The following PCDHA8 variants were observed in gnomAD, a reference collection of about 807,000 sequenced individuals.
The protein encoded by PCDHA8 is protocadherin alpha-8.
A neutral mutation model predicts 61.8 loss-of-function variants in PCDHA8; 53 were observed. That is an observed-to-expected ratio of 0.86 (90% CI 0.69 to 1.08). The LOEUF (loss-of-function observed/expected upper bound fraction) is 1.08, where lower values mean the gene tolerates loss of function less well. Among genes scored for constraint, PCDHA8 ranks in the 50% least tolerant of loss-of-function variants. PCDHA8 has a pLI of 0.00. For missense variants in PCDHA8, 1,293 were observed against 1,245.0 expected (o/e 1.04, Z -0.58); for synonymous variants, 618 against 556.6 (o/e 1.11, Z -1.55).
intron 1 of PCDHA8, chr5:140,865,236 G>A (rs192476838): frequency 8.5e-5 from 13 of 152,224 alleles, no homozygotes; most frequent in Admixed American, 3.3e-4. Flanking sequence ...CAGAGAACAC[G>A]TATTTATAGC....
At chr5:140,856,540 C>A (rs1554148838) in intron 1 of PCDHA8, 1 of 1,598,162 alleles carries the variant, frequency 6.3e-7, no homozygotes, top group African/African-American at 1.3e-5. Context: ...TTGGAGAGAA[C>A]GCATTGCTTA....
At chr5:140,881,185 A>G (rs893291095) in intron 1 of PCDHA8, 7 of 166,796 alleles carry the variant, frequency 4.2e-5, no homozygotes, top group African/African-American at 1.7e-4. Flanking sequence ...CTTGCTAAAG[A>G]TATGTTAACA....
At chr5:141,005,556 G>T (rs62384513) in intron 3 of PCDHA8, among the ~76,000 whole-genome samples, 1 of 151,476 alleles carries the variant, frequency 6.6e-6, no homozygotes, top group South Asian at 2.1e-4. Flanking sequence ...ACAAAAATTA[G>T]CCGGGCATGG....
chr5:141,005,659 G>A (rs963015988), intron 3 of PCDHA8, among the ~76,000 whole-genome samples: 2 of 123,926 alleles, frequency 1.6e-5, no homozygotes, highest in South Asian at 2.6e-4. Flanking sequence ...TCGAGATCGC[G>A]CCACTGCACT....
chr5:140,849,893 G>A, intron 1 of PCDHA8: 1 of 1,598,550 alleles, frequency 6.3e-7, no homozygotes, highest in Non-Finnish European at 8.6e-7. Context: ...TCGTGAAGGA[G>A]AACAACCCGC....
intron 1 of PCDHA8, chr5:140,969,003 G>A: frequency 6.2e-7 from 1 of 1,614,226 alleles, no homozygotes; most frequent in Admixed American, 1.7e-5. Context: ...GGAGGCTTCT[G>A]TGGAGTAAGG....
chr5:140,917,338 G>GGGGGGGT (rs2078134893), intron 1 of PCDHA8, among the ~76,000 whole-genome samples: 1 of 137,894 alleles, frequency 7.3e-6, no homozygotes, highest in Non-Finnish European at 1.6e-5. Context: ...GGAGGGGGGG[G>GGGGGGGT]ATGGTGTAGG....
At chr5:140,933,618 G>T (rs2089270614) in intron 1 of PCDHA8, among the ~76,000 whole-genome samples, 1 of 151,904 alleles carries the variant, frequency 6.6e-6, no homozygotes, top group African/African-American at 2.4e-5. Flanking sequence ...TTCTTATTAG[G>T]TTAGGCTGGC....
intron 1 of PCDHA8, among the ~76,000 whole-genome samples, chr5:140,952,671 A>C (rs1429468287): frequency 6.6e-6 from 1 of 152,176 alleles, no homozygotes; most frequent in Admixed American, 6.5e-5. Context: ...AGTCACTTTC[A>C]CATTTTCAGG....
chr5:140,907,727 C>T (rs2153502591), intron 1 of PCDHA8, among the ~76,000 whole-genome samples: 1 of 152,306 alleles, frequency 6.6e-6, no homozygotes, highest in Admixed American at 6.5e-5. Flanking sequence ...AACCTCCATC[C>T]CTGCCACCAT....
intron 1 of PCDHA8, chr5:140,968,901 T>A (rs1321022294): frequency 6.2e-7 from 1 of 1,614,106 alleles, no homozygotes; most frequent in Non-Finnish European, 8.5e-7. Flanking sequence ...ATAATAGCAT[T>A]AAGCACAGTG....
At position 140,967,566 on chromosome 5, in the gene PCDHA8, G is replaced by T. The variant is rs1586227015; in HGVS notation, c.2395-11383G>T. The stretch of plus-strand genomic sequence containing the variant: ...CAGTCCACTTATCGCGTCCAGCTAC[G>T]GGAGGACTCACCCCCAGGCACATTG... On this transcript the variant is annotated intron_variant, in intron 1 of 3. Coordinates refer to ENST00000531613, the MANE Select transcript of PCDHA8 (RefSeq NM_018911.3). 6 of 1,614,060 alleles carry T rather than the reference G, an allele frequency of 3.7e-6. No homozygotes were observed. In the East Asian group the frequency reaches 1.3e-4, roughly 36 times the overall value.
At chr5:140,856,541 G>GCATT in intron 1 of PCDHA8, 4 of 1,598,164 alleles carry the variant, frequency 2.5e-6, no homozygotes, top group Non-Finnish European at 3.4e-6. Flanking sequence ...TGGAGAGAAC[G>GCATT]CATTGCTTAC....
At chr5:140,898,597 G>C (rs1452719602) in intron 1 of PCDHA8, among the ~76,000 whole-genome samples, 12 of 152,188 alleles carry the variant, frequency 7.9e-5, no homozygotes, top group Admixed American at 1.3e-4. Context: ...CTGTAGCCTT[G>C]TAGTATAGTT....
rs781852534 is a variant in PCDHA8, at chr5:140,982,552, G to T, written c.2531G>T (p.Ser844Ile). 1 of 1,614,168 alleles carries T rather than the reference G, an allele frequency of 6.2e-7. No individual in the cohort carries two copies. The highest frequency in any genetic ancestry group is 2.2e-5 in the East Asian group (1 of 44,892). ...GATCAGCAGTGGCCAACAGTATCCAGTGCAACACCAGGTAAAGAGCTGGGG... is the reference window on the plus strand; with the variant it reads ...GATCAGCAGTGGCCAACAGTATCCATTGCAACACCAGGTAAAGAGCTGGGG... The part of the protein sequence containing the change: ...GPDQQWPTVS[S>I]ATPEPEAGEV... Residue 844 changes from serine (S) to isoleucine (I), a missense_variant, in exon 3 of 4, where the codon AGT (serine) becomes ATT (isoleucine). Physicochemically the swap from Ser to Ile is moderately radical, Grantham distance 142. Coordinates refer to ENST00000531613, the MANE Select transcript of PCDHA8 (RefSeq NM_018911.3).
chr5:140,928,719 T>C (rs1554206226), intron 1 of PCDHA8: 31 of 1,614,044 alleles, frequency 1.9e-5, no homozygotes, highest in Non-Finnish European at 2.5e-5. Flanking sequence ...CTAGTCTCTT[T>C]AGAATTTCAG....
At chr5:140,968,986 A>ATGCTGTGGAGGC (rs782197469) in intron 1 of PCDHA8, 25 of 1,614,206 alleles carry the variant, frequency 1.5e-5, no homozygotes, top group Non-Finnish European at 1.9e-5. Flanking sequence ...ATGGCACTGC[A>ATGCTGTGGAGGC]TGCTGTGGAG....
chr5:140,968,923 T>G lies in PCDHA8; in HGVS notation c.2395-10026T>G, dbSNP rs140504777. The G allele has an allele frequency of 2.9e-3, 4,668 of 1,614,212 alleles. 4 individuals are homozygous for G. Among genetic ancestry groups the G allele is most frequent in the Non-Finnish European group, 3.3e-3 (3,916 of 1,180,046 alleles). ...CATTAAGCACAGTGTCTTTTATATT[T>G]CTTTTGACAATCATCATTTTGAGCA... On this transcript the variant is annotated intron_variant, in intron 1 of 3. Coordinates refer to ENST00000531613, the MANE Select transcript of PCDHA8 (RefSeq NM_018911.3).
At chr5:141,007,704 C>T (rs2098341593) in intron 3 of PCDHA8, among the ~76,000 whole-genome samples, 1 of 152,200 alleles carries the variant, frequency 6.6e-6, no homozygotes, top group African/African-American at 2.4e-5. Flanking sequence ...CCTCCTCTGC[C>T]TCCCACCACC....
Sources: gnomAD v4.1 joint callset for allele counts (sites outside exome capture counted in the v4.1 genomes callset) on GRCh38, gnomAD v4.1.1 for gene constraint, MANE v1.5 for transcripts, NCBI Gene and HGNC (gene_info 2026-07-23, HGNC 2026-07-21) for gene names.